RBM44: variants seen among roughly 807,000 people sequenced by gnomAD.
The protein encoded by RBM44 is RNA binding motif protein 44.
Under a neutral mutation model 105.1 loss-of-function variants are expected in RBM44, and 66 were observed. The observed-to-expected ratio is 0.63, with a 90% CI of 0.52 to 0.77. The LOEUF is 0.77. RBM44 is among the 30% of genes least tolerant of loss of function. RBM44 has a pLI of 0.00. For synonymous variants in RBM44, 365 were observed against 417.6 expected, an observed-to-expected ratio of 0.87 and a Z score of 1.54; for missense variants, 1,122 against 1,207.8, an observed-to-expected ratio of 0.93 and a Z score of 1.05.
intron 8 of RBM44, among the ~76,000 whole-genome samples, chr2:237,822,617 T>TA (rs1468021729): frequency 2.0e-5 from 3 of 152,102 alleles, no homozygotes; most frequent in African/African-American, 7.2e-5. Context: ...AATTCTTTTT[T>TA]AAAAAATCTC....
At chr2:237,810,158 G>A (rs1324789912) in intron 1 of RBM44, among the ~76,000 whole-genome samples, 1 of 152,156 alleles carries the variant, frequency 6.6e-6, no homozygotes, top group African/African-American at 2.4e-5. Context: ...AATCTGGTAT[G>A]TGTTTTACAC....
rs372101625 is a variant in RBM44, at chr2:237,817,661, G to A, written c.742G>A (p.Asp248Asn). ...GGGAAGTGGTTCTATCATCTCTTTC[G>A]ATTCACTTGATGTTTATGGACAAGA... ...NSGSGSIISF[D>N]SLDVYGQEES... Residue 248 changes from aspartate (D) to asparagine (N), a missense_variant, in exon 3 of 16, where the codon GAT (aspartate) becomes AAT (asparagine). Asp to Asn is a conservative substitution (Grantham distance 23, BLOSUM62 1). This residue lies in a region of RBM44 where 918 missense variants were observed against 955.3 expected (regional missense o/e 0.96). Transcript: ENST00000316997. 1.2e-5 allele frequency: 19 copies of A among 1,612,422 alleles called. No homozygotes were observed. The highest frequency in any genetic ancestry group is 1.5e-5 in the Non-Finnish European group (18 of 1,179,168).
At chr2:237,835,130 T>G (rs2061946297) in intron 15 of RBM44, among the ~76,000 whole-genome samples, 1 of 152,224 alleles carries the variant, frequency 6.6e-6, no homozygotes, top group African/African-American at 2.4e-5. Flanking sequence ...TCTTTGTTAC[T>G]ATTGTAATTA....
At chr2:237,825,485 C>T (rs765879058) in intron 10 of RBM44, among the ~76,000 whole-genome samples, 1 of 152,158 alleles carries the variant, frequency 6.6e-6, no homozygotes. Context: ...GGATTAGAGG[C>T]GTGAGCCACT....
intron 2 of RBM44, among the ~76,000 whole-genome samples, chr2:237,815,999 C>G (rs865941498): frequency 2.6e-5 from 4 of 152,126 alleles, no homozygotes; most frequent in Non-Finnish European, 5.9e-5. Context: ...CTTAGCACAT[C>G]ATAAAGGGCC....
chr2:237,834,375 C>A lies in RBM44; in HGVS notation c.3130C>A (p.Leu1044Ile). The A allele has an allele frequency of 6.5e-7, 1 of 1,531,452 alleles. No homozygotes were observed. The highest frequency in any genetic ancestry group is 1.3e-5 in the South Asian group (1 of 77,102). The allele number at this position is 1,531,452 out of a possible 1,614,324, so 94.9% of individuals were successfully genotyped here. A position where few individuals can be genotyped will look rare whatever the true frequency, so the allele number is the denominator to read the frequency against. The change falls in exon 15 of 16, where the codon CTT (leucine) becomes ATT (isoleucine). Residue 1044 changes from leucine (L) to isoleucine (I), a missense_variant. By Grantham distance (5) the Leu-to-Ile change is conservative. Coordinates refer to ENST00000316997, the MANE Select transcript of RBM44 (RefSeq NM_001080504.3). ...ITTIVEMTSS[L>I]LKNSASS ...TACTATTGTGGAGATGACTTCATCT[C>A]TTCTGAAAAACTCTGCTTCCAGTTA...
intron 2 of RBM44, among the ~76,000 whole-genome samples, chr2:237,815,898 A>G (rs976621033): frequency 4.6e-5 from 7 of 152,028 alleles, no homozygotes; most frequent in Non-Finnish European, 1.5e-5. Context: ...TTCTGTTGCC[A>G]GGAATGACTA....
chr2:237,816,798 T>C (rs1402345186), intron 2 of RBM44, among the ~76,000 whole-genome samples, 195 bp from the exon 3 acceptor site: 1 of 152,096 alleles, frequency 6.6e-6, no homozygotes, highest in Non-Finnish European at 1.5e-5. Context: ...TTCCAACATA[T>C]GGGTCTGGCC....
At chr2:237,808,592 G>A (rs757103086) in intron 1 of RBM44, among the ~76,000 whole-genome samples, 32 of 152,122 alleles carry the variant, frequency 2.1e-4, no homozygotes, top group Non-Finnish European at 2.8e-4. Flanking sequence ...AAGAATTTGT[G>A]AAATGGAAGG....
intron 15 of RBM44, among the ~76,000 whole-genome samples, chr2:237,838,626 A>C (rs1477508325): frequency 6.6e-6 from 1 of 152,294 alleles, no homozygotes; most frequent in South Asian, 2.1e-4. Context: ...AGAGAGTAAG[A>C]TGTTCTGTGT....
intron 1 of RBM44, among the ~76,000 whole-genome samples, chr2:237,800,607 C>T (rs771209470): frequency 4.0e-5 from 6 of 151,672 alleles, no homozygotes; most frequent in South Asian, 2.1e-4. Flanking sequence ...ACTTAAGTAA[C>T]GAATGTATTT....
chr2:237,815,080 G>C (rs2061700967), intron 2 of RBM44, among the ~76,000 whole-genome samples: 1 of 152,098 alleles, frequency 6.6e-6, no homozygotes, highest in Non-Finnish European at 1.5e-5. Flanking sequence ...CTACTTGGGT[G>C]GCTGAGGCAG....
intron 1 of RBM44, among the ~76,000 whole-genome samples, chr2:237,808,481 G>GA (rs61185065): frequency 0.064 from 7,965 of 124,956 alleles, 627 homozygotes; most frequent in African/African-American, 0.2. Flanking sequence ...AAGCATAACA[G>GA]AAAAAAAAAA....
chr2:237,838,273 G>T (rs1032456563), intron 15 of RBM44, among the ~76,000 whole-genome samples: 23 of 152,146 alleles, frequency 1.5e-4, no homozygotes, highest in Non-Finnish European at 3.4e-4. Flanking sequence ...CAAGCCCAAA[G>T]CTCTAGACCC....
In RBM44 at chr2:237,823,411, T is replaced by C. The variant is rs374294661; in HGVS notation, c.2206-29T>C. On this transcript the variant is annotated intron_variant, in intron 8 of 15. Coordinates refer to ENST00000316997, the MANE Select transcript of RBM44 (RefSeq NM_001080504.3). ...AGAGCATAATAATTATTTGCCCTTA[T>C]TTATTGTTTTTATTATCTTAATCCT... The C allele has an allele frequency of 1.5e-4, 153 of 1,005,800 alleles. No individual in the cohort carries two copies. In the Middle Eastern group the frequency reaches 5.9e-3, roughly 39 times the overall value. The allele number at this position is 1,005,800 out of a possible 1,614,324, so 62.3% of individuals were successfully genotyped here.
chr2:237,836,673 G>A (rs1273134184), intron 15 of RBM44, among the ~76,000 whole-genome samples: 3 of 152,006 alleles, frequency 2.0e-5, no homozygotes, highest in South Asian at 2.1e-4. Flanking sequence ...CCAGCTATTC[G>A]GGAGGCTGAG....
chr2:237,802,203 TACC>T (rs761604058), intron 1 of RBM44, among the ~76,000 whole-genome samples: 1 of 152,204 alleles, frequency 6.6e-6, no homozygotes, highest in Non-Finnish European at 1.5e-5. Context: ...ATGTTTCCCA[TACC>T]ACCTTGTGTT....
chr2:237,824,144 T>C (rs1267050244), intron 9 of RBM44, 147 bp from the exon 10 acceptor site: 8 of 600,568 alleles, frequency 1.3e-5, no homozygotes, highest in African/African-American at 1.2e-4. Flanking sequence ...TTTGCTTGGT[T>C]CTCTTATTTT....
At chr2:237,838,887 G>A (rs1316207699) in intron 15 of RBM44, among the ~76,000 whole-genome samples, 1 of 152,228 alleles carries the variant, frequency 6.6e-6, no homozygotes, top group African/African-American at 2.4e-5. Context: ...TACCAGGGAA[G>A]CTCATTAAAG....
Sources: gnomAD v4.1 joint callset for allele counts (sites outside exome capture counted in the v4.1 genomes callset) on GRCh38, gnomAD v4.1.1 for gene constraint, gnomAD v4.1.1 regional missense constraint, MANE v1.5 for transcripts, NCBI Gene and HGNC (gene_info 2026-07-23, HGNC 2026-07-21) for gene names.